Variants in RGS12 observed in about 807,000 individuals in gnomAD.
RGS12 encodes the protein regulator of G protein signaling 12, also known as regulator of G-protein signaling 12.
A neutral mutation model predicts 120.1 loss-of-function variants in RGS12; 66 were observed. The observed-to-expected ratio is 0.55, with a 90% CI of 0.45 to 0.67. RGS12 has a LOEUF of 0.67. RGS12 is among the 30% of genes least tolerant of loss of function. The pLI, the probability that RGS12 is intolerant of heterozygous loss-of-function variation, is 0.00. For missense variants in RGS12, 1,859 were observed against 1,957.7 expected (o/e 0.95, Z 0.95); for synonymous variants, 827 against 804.7 (o/e 1.03, Z -0.47).
chr4:3,395,032 CAAAA>C (rs979094288), intron 4 of RGS12, among the ~76,000 whole-genome samples: 1 of 150,418 alleles, frequency 6.6e-6, no homozygotes, highest in African/African-American at 2.4e-5. Flanking sequence ...CAAAACAAAA[CAAAA>C]AAAAACATTA....
At chr4:3,290,876 C>T (rs1426016055), upstream of RGS12, among the ~76,000 whole-genome samples, 1 of 152,236 alleles carries the variant, frequency 6.6e-6, no homozygotes, top group African/African-American at 2.4e-5. Context: ...TTGGCAAGAC[C>T]TACCTTTTCA....
chr4:3,389,485 C>G lies in RGS12; in HGVS notation c.2020+3048C>G, dbSNP rs913703466. On this transcript the variant is annotated intron_variant, in intron 4 of 17. Transcript: ENST00000336727. The surrounding 1 kb of genome is among the most constrained non-coding windows in gnomAD (Gnocchi z 5.2). ...ATGAGAAAAGGAAGATGCCCGGTTG[C>G]TCCTGGAAAAAGGAACCTCTCACCT... is the stretch of plus-strand genomic sequence containing the variant. Among the ~76,000 whole-genome samples the G allele has an allele frequency of 2.0e-5, 3 of 152,188 alleles. No individual in the cohort carries two copies. The highest frequency in any genetic ancestry group is 2.9e-5 in the Non-Finnish European group (2 of 68,028).
At chr4:3,387,451 G>A (rs895337754) in intron 4 of RGS12, among the ~76,000 whole-genome samples, 3 of 152,244 alleles carry the variant, frequency 2.0e-5, no homozygotes, top group African/African-American at 7.2e-5. Flanking sequence ...CAGGTGGGCA[G>A]ACAGAGCTCA....
At chr4:3,315,638 G>T (rs770187437) in intron 1 of RGS12, among the ~76,000 whole-genome samples, 1 of 152,222 alleles carries the variant, frequency 6.6e-6, no homozygotes, top group Non-Finnish European at 1.5e-5. Context: ...CCTGTAGCAG[G>T]CCTTGCTTCT....
intron 1 of RGS12, among the ~76,000 whole-genome samples, chr4:3,293,353 C>A (rs970012507): frequency 1.3e-4 from 19 of 145,794 alleles, no homozygotes; most frequent in African/African-American, 4.7e-4. Flanking sequence ...GGGCGCGGGC[C>A]TGTGGGGCCT....
At position 3,316,231 on chromosome 4, in the gene RGS12, C is replaced by A. The variant is rs771698458; in HGVS notation, c.61C>A (p.Arg21=). The A allele has an allele frequency of 9.3e-6, 15 of 1,611,100 alleles. No individual in the cohort carries two copies. In the Admixed American group the frequency reaches 1.7e-4, roughly 18 times the overall value. The change falls in exon 2 of 18, where the codon CGG becomes AGG. Residue 21 remains arginine, a synonymous_variant. Transcript: ENST00000336727. ...PLPGPSPPRV[R]SVEVARGRAG... ...GCCTGGGCCGTCGCCCCCAAGGGTGCGGAGTGTGGAGGTTGCCCGGGGGAG... is the reference window on the plus strand; with the variant it reads ...GCCTGGGCCGTCGCCCCCAAGGGTGAGGAGTGTGGAGGTTGCCCGGGGGAG...
At chr4:3,312,930 T>A (rs60434800) in intron 1 of RGS12, 5,944 of 147,028 alleles carry the variant, frequency 0.04, 287 homozygotes, top group African/African-American at 0.13. Context: ...AAAAAAAAAA[T>A]AGTTAGCCGA....
At chr4:3,353,769 G>A (rs1250872104) in intron 3 of RGS12, among the ~76,000 whole-genome samples, 1 of 152,164 alleles carries the variant, frequency 6.6e-6, no homozygotes, top group East Asian at 1.9e-4. Context: ...TTGTGAGCTA[G>A]ACTGGGGCCA....
At chr4:3,342,395 G>C in intron 2 of RGS12, 1 of 1,241,690 alleles carries the variant, frequency 8.1e-7, no homozygotes, top group East Asian at 5.6e-5. Context: ...GAGGAGGAGA[G>C]ACAGGATGTT....
In RGS12 at chr4:3,407,870, C is replaced by T. The variant is rs115764138; in HGVS notation, c.2021-6202C>T. On this transcript the variant is annotated intron_variant, in intron 4 of 17. Coordinates refer to ENST00000336727, the MANE Select transcript of RGS12 (RefSeq NM_001394154.1). The stretch of plus-strand genomic sequence containing the variant: ...TTGTAACGTAACCTACATGTTTGAC[C>T]CACCAATATATACATGGCGGCTTTT... 6.4e-4 allele frequency among the ~76,000 whole-genome samples: 98 copies of T among 152,290 alleles called. 1 individual carries two copies. Among genetic ancestry groups the T allele is most frequent in the African/African-American group, 2.2e-3 (91 of 41,536 alleles).
intron 3 of RGS12, among the ~76,000 whole-genome samples, chr4:3,381,344 G>A (rs915537510): frequency 1.3e-5 from 2 of 152,176 alleles, no homozygotes; most frequent in Admixed American, 6.5e-5. Flanking sequence ...CTGTTACCCA[G>A]TTCCAAAGTC....
At chr4:3,341,142 C>T (rs563676235) in intron 2 of RGS12, among the ~76,000 whole-genome samples, 1 of 148,898 alleles carries the variant, frequency 6.7e-6, no homozygotes, top group African/African-American at 2.5e-5. Flanking sequence ...AGGATAGTGA[C>T]ACCCCTCTGC....
In RGS12 at chr4:3,416,962, C is replaced by T. The variant is rs754320976; in HGVS notation, c.2477C>T (p.Pro826Leu). ...AGCTACACTCGCTTTCTGAAGTCCC[C>T]GCTGTACCAGGAATGCATCCTGGCG... Reference protein sequence around the residue: ...FDSYTRFLKSPLYQECILAEV... With the variant: ...FDSYTRFLKSLLYQECILAEV... The change falls in exon 8 of 18, where the codon CCG becomes CTG. Residue 826 changes from proline to leucine, a missense_variant. Pro to Leu is a moderately conservative substitution (Grantham distance 98). Transcript: ENST00000336727. The T allele has an allele frequency of 1.3e-5, 21 of 1,612,150 alleles. No individual in the cohort carries two copies. The highest frequency in any genetic ancestry group is 7.7e-5 in the South Asian group (7 of 91,042).
At chr4:3,394,161 CT>C (rs560041407) in intron 4 of RGS12, among the ~76,000 whole-genome samples, 136 of 147,036 alleles carry the variant, frequency 9.2e-4, no homozygotes, top group South Asian at 4.3e-3. Context: ...TTCAGCACAT[CT>C]TTTTTTTTTT....
intron 2 of RGS12, among the ~76,000 whole-genome samples, chr4:3,326,144 C>T (rs1426795031): frequency 3.3e-5 from 5 of 152,192 alleles, no homozygotes. Context: ...CACTCCTATT[C>T]AACATAGTAC....
Position 3,428,104 on chromosome 4 carries a change from C to T in RGS12, c.3346C>T (p.Gln1116Ter). The part of the protein sequence containing the change: ...PSRGKASADK[Q>*]KGVPVKQNTA... ...CTTATGTTTAGCATCCGCAGATAAA[C>T]AGAAAGGTGTGCCAGTGAAACAGAA... The change falls in exon 15 of 18, where the codon CAG becomes TAG. Residue 1116 changes from glutamine to a stop codon, truncating the protein, a stop_gained. Transcript: ENST00000336727. LOFTEE classifies it high-confidence loss of function. 1 of 1,613,610 alleles carries T rather than the reference C, an allele frequency of 6.2e-7. No homozygotes were observed. Among genetic ancestry groups the T allele is most frequent in the Non-Finnish European group, 8.5e-7 (1 of 1,179,722 alleles).
chr4:3,422,694 G>A, intron 11 of RGS12, 124 bp downstream of exon 11: 1 of 1,177,044 alleles, frequency 8.5e-7, no homozygotes, highest in Non-Finnish European at 1.2e-6. Context: ...AGCGCCTGGG[G>A]CGGAGGCCGG....
intron 3 of RGS12, chr4:3,386,154 G>A: frequency 1.8e-6 from 1 of 542,662 alleles, no homozygotes; most frequent in Admixed American, 3.4e-5. Context: ...TACTAAGACT[G>A]TAATGTCAGA....
rs1437536603 is a variant in RGS12, at chr4:3,428,676, A to G, written c.3530A>G (p.Lys1177Arg). ...REESIAKIGK[K>R]KYQKINLDEA... ...GAATCTATTGCAAAGATTGGGAAAA[A>G]AAAATATCAGAAAATTAATTTGGAC... The change falls in exon 16 of 18, where the codon AAA becomes AGA. Residue 1177 changes from lysine (K) to arginine (R), a missense_variant. Transcript: ENST00000336727. 1 of 1,594,952 alleles carries G rather than the reference A, an allele frequency of 6.3e-7. No individual in the cohort carries two copies. Among genetic ancestry groups the G allele is most frequent in the Non-Finnish European group, 8.5e-7 (1 of 1,175,384 alleles).
Sources: gnomAD v4.1 joint callset for allele counts (sites outside exome capture counted in the v4.1 genomes callset) on GRCh38, gnomAD v4.1.1 for gene constraint, Gnocchi (gnomAD v3.1) non-coding constraint, MANE v1.5 for transcripts, NCBI Gene and HGNC (gene_info 2026-07-23, HGNC 2026-07-21) for gene names.